The following CAMTA1 variants were observed in gnomAD, a reference collection of about 807,000 sequenced individuals.
The protein encoded by CAMTA1 is calmodulin binding transcription activator 1.
In CAMTA1, 27 loss-of-function variants were observed where a neutral mutation model predicts 170.9. The ratio of observed to expected loss-of-function variants is 0.16; its 90% CI spans 0.12 to 0.22. CAMTA1 has a LOEUF of 0.22. Among genes scored for constraint, CAMTA1 ranks in the 10% least tolerant of loss-of-function variants. CAMTA1 has a pLI of 1.00. For missense variants in CAMTA1, 1,619 were observed against 2,217.2 expected (o/e 0.73, Z 5.42); for synonymous variants, 833 against 891.5 (o/e 0.93, Z 1.17).
intron 22 of CAMTA1, among the ~76,000 whole-genome samples, chr1:7,758,954 A>G (rs1007046972): frequency 6.8e-6 from 1 of 146,106 alleles, no homozygotes; most frequent in East Asian, 1.9e-4. Flanking sequence ...AAAAAAAAAA[A>G]AGATAATATA....
intron 6 of CAMTA1, among the ~76,000 whole-genome samples, chr1:7,616,825 A>C (rs2095562296): frequency 6.6e-6 from 1 of 152,238 alleles, no homozygotes; most frequent in South Asian, 2.1e-4. Flanking sequence ...CAAATAAAGT[A>C]ATAAAACAGA....
chr1:7,153,755 T>A (rs191803308), intron 4 of CAMTA1, among the ~76,000 whole-genome samples: 1 of 152,324 alleles, frequency 6.6e-6, no homozygotes, highest in African/African-American at 2.4e-5. Context: ...TGCAAGTTCT[T>A]GACCCTCTTT....
chr1:7,447,088 C>T (rs911248676), intron 5 of CAMTA1, among the ~76,000 whole-genome samples: 60 of 152,224 alleles, frequency 3.9e-4, no homozygotes, highest in Admixed American at 1.7e-3. Flanking sequence ...TGGGCCTGCA[C>T]CTAGTAGATG....
At chr1:7,449,356 C>CA (rs917874416) in intron 5 of CAMTA1, among the ~76,000 whole-genome samples, 2 of 152,190 alleles carry the variant, frequency 1.3e-5, no homozygotes, top group African/African-American at 4.8e-5. Context: ...AGTCTAAGAC[C>CA]ACCGGGCCAG....
chr1:7,677,754 G>A (rs762901786), intron 11 of CAMTA1, 21 bp downstream of exon 11: 14 of 1,606,766 alleles, frequency 8.7e-6, no homozygotes, highest in Middle Eastern at 1.7e-4. Flanking sequence ...TGCTTGGGTC[G>A]TCTTGCCAGG....
intron 5 of CAMTA1, among the ~76,000 whole-genome samples, chr1:7,422,078 A>T (rs2149318848): frequency 6.6e-6 from 1 of 152,178 alleles, no homozygotes; most frequent in Non-Finnish European, 1.5e-5. Flanking sequence ...GTCAGAAACC[A>T]TGAGAACATA....
intron 2 of CAMTA1, among the ~76,000 whole-genome samples, chr1:6,820,907 G>C (rs1271507168): frequency 6.6e-6 from 1 of 152,200 alleles, no homozygotes; most frequent in Admixed American, 6.5e-5. Context: ...ATGGCTTACA[G>C]GGCTGCTGTG....
chr1:7,578,416 C>A (rs563792101), intron 6 of CAMTA1, among the ~76,000 whole-genome samples: 1 of 152,188 alleles, frequency 6.6e-6, no homozygotes, highest in Non-Finnish European at 1.5e-5. Flanking sequence ...GCAGCTTGCT[C>A]GGGAAGACCC....
At chr1:7,648,420 A>ACT (rs2095824667) in intron 7 of CAMTA1, among the ~76,000 whole-genome samples, 2 of 149,826 alleles carry the variant, frequency 1.3e-5, no homozygotes, top group South Asian at 4.2e-4. Flanking sequence ...GAGAGAAGGG[A>ACT]AGAGAGCTGC....
At position 7,114,532 on chromosome 1, in the gene CAMTA1, G is replaced by A. The variant is rs542680696; in HGVS notation, c.302+23161G>A. The stretch of plus-strand genomic sequence containing the variant: ...TTTGTGTTGGGCTGCATTCAAAGCC[G>A]TCCTGGGCTGCATGTGGCCTGTGGG... On this transcript the variant is annotated intron_variant, in intron 4 of 22. Coordinates refer to ENST00000303635, the MANE Select transcript of CAMTA1 (RefSeq NM_015215.4). Among the ~76,000 whole-genome samples the A allele has an allele frequency of 2.4e-4, 37 of 152,292 alleles. No individual in the cohort carries two copies. The South Asian group carries it at 2.7e-3, about 11-fold the overall frequency.
intron 3 of CAMTA1, among the ~76,000 whole-genome samples, chr1:7,078,455 G>T (rs1366892287): frequency 6.6e-6 from 1 of 152,136 alleles, no homozygotes; most frequent in Non-Finnish European, 1.5e-5. Flanking sequence ...TTTGTTATTT[G>T]AGAAAATCTG....
intron 3 of CAMTA1, among the ~76,000 whole-genome samples, chr1:6,863,260 A>G (rs1171149248): frequency 6.6e-6 from 1 of 152,220 alleles, no homozygotes; most frequent in Non-Finnish European, 1.5e-5. Flanking sequence ...GCTGTACATT[A>G]CAGCCCCAGA....
At chr1:7,646,038 G>T (rs1375131805) in intron 7 of CAMTA1, among the ~76,000 whole-genome samples, 5 of 151,814 alleles carry the variant, frequency 3.3e-5, no homozygotes, top group African/African-American at 1.2e-4. Flanking sequence ...GTGAGTGCAG[G>T]TGAAGGCCCT....
chr1:6,811,865 C>A (rs147314267), intron 1 of CAMTA1, among the ~76,000 whole-genome samples: 1 of 152,284 alleles, frequency 6.6e-6, no homozygotes, highest in East Asian at 1.9e-4. Flanking sequence ...TGCTCTGTTA[C>A]GAGAAACAGT....
chr1:7,020,548 G>A (rs1046117944), intron 3 of CAMTA1, among the ~76,000 whole-genome samples: 3 of 152,214 alleles, frequency 2.0e-5, no homozygotes, highest in Admixed American at 6.5e-5. Flanking sequence ...ATTATGGGAC[G>A]CAGGACTGTA....
intron 3 of CAMTA1, among the ~76,000 whole-genome samples, chr1:6,947,676 CT>C (rs1687803553): frequency 6.6e-6 from 1 of 152,252 alleles, no homozygotes; most frequent in Non-Finnish European, 1.5e-5. Context: ...GCCACCACCC[CT>C]GGTCTGTCTT....
chr1:6,856,483 A>G (rs985194910), intron 3 of CAMTA1, among the ~76,000 whole-genome samples: 6 of 152,186 alleles, frequency 3.9e-5, no homozygotes, highest in African/African-American at 1.4e-4. Flanking sequence ...TAGGACAGTC[A>G]GTCATTCATC....
In CAMTA1 at chr1:7,745,907, C is replaced by G. The variant is rs774671589; in HGVS notation, c.4433C>G (p.Pro1478Arg). The change falls in exon 18 of 23, where the codon CCC (proline) becomes CGC (arginine). Residue 1478 changes from proline (P) to arginine (R), a missense_variant. This residue lies in a region of CAMTA1 where 370 missense variants were observed against 429.4 expected (regional missense o/e 0.86). Transcript: ENST00000303635. ...ACCAGCTTGAGCCCTGTTGGCTCTC[C>G]CGTCAGTGAAATCGCTTTCGAGAAA... is the stretch of plus-strand genomic sequence containing the variant. ...SNTSLSPVGS[P>R]VSEIAFEKPN... The G allele has an allele frequency of 1.2e-6, 2 of 1,614,086 alleles. No individual in the cohort carries two copies. Among genetic ancestry groups the G allele is most frequent in the African/African-American group, 2.7e-5 (2 of 74,924 alleles).
rs759812909 is a variant in CAMTA1 at position 7,736,670 on chromosome 1, G to T, written c.3263+130G>T. 1.9e-5 allele frequency: 17 copies of T among 889,494 alleles called. No homozygotes were observed. Among genetic ancestry groups the T allele is most frequent in the Non-Finnish European group, 3.0e-5 (17 of 569,328 alleles). The allele number at this position is 889,494 out of a possible 1,614,324, so 55.1% of individuals were successfully genotyped here. Reference sequence around the variant, plus strand: ...TTATAGCCGGCGAGCAAAGGGCTTTGTCCTTGGACAGTTTCCAAGGGAGTT... The same window carrying T: ...TTATAGCCGGCGAGCAAAGGGCTTTTTCCTTGGACAGTTTCCAAGGGAGTT... On this transcript the variant is annotated intron_variant, in intron 13 of 22. Transcript: ENST00000303635. This position sits in a 1 kb window ranked among gnomAD's most constrained non-coding sequence, Gnocchi z 4.5.
Sources: allele counts gnomAD v4.1 joint callset (sites outside exome capture counted in the v4.1 genomes callset), GRCh38; gene constraint gnomAD v4.1.1; regional missense constraint gnomAD v4.1.1; non-coding constraint Gnocchi (gnomAD v3.1); transcripts MANE v1.5; gene names NCBI Gene and HGNC (gene_info 2026-07-23, HGNC 2026-07-21).